The following WDR27 variants were observed in gnomAD, a reference collection of about 807,000 sequenced individuals.
WDR27 encodes WD repeat domain 27.
In WDR27, 100 loss-of-function variants were observed where a neutral mutation model predicts 114.4. That is an observed-to-expected ratio of 0.87 (90% CI 0.74 to 1.03). The LOEUF (loss-of-function observed/expected upper bound fraction) is 1.03, where lower values mean the gene tolerates loss of function less well. Among genes scored for constraint, WDR27 ranks in the 50% least tolerant of loss-of-function variants. WDR27 has a pLI of 0.00. For missense variants in WDR27, 1,129 were observed against 1,092.9 expected, an observed-to-expected ratio of 1.03 and a Z score of -0.47; for synonymous variants, 449 against 423.1, an observed-to-expected ratio of 1.06 and a Z score of -0.75.
chr6:169,440,687 C>G, the WDR27 span, among the ~76,000 whole-genome samples: 1 of 152,054 alleles, frequency 6.6e-6, no homozygotes, highest in Non-Finnish European at 1.5e-5. Context: ...TAGAATCATA[C>G]CCGATATGAA....
chr6:169,604,396 G>A (rs554774437), intron 22 of WDR27, among the ~76,000 whole-genome samples: 11 of 152,200 alleles, frequency 7.2e-5, no homozygotes, highest in Non-Finnish European at 1.3e-4. Context: ...TCCCAAGCTT[G>A]AAGCAGGAAG....
chr6:169,471,488 A>T (rs942431706), intron 25 of WDR27, among the ~76,000 whole-genome samples: 3 of 152,178 alleles, frequency 2.0e-5, no homozygotes, highest in Admixed American at 6.5e-5. Context: ...ACCATCAAGA[A>T]AAAGGAAAAG....
intron 13 of WDR27, among the ~76,000 whole-genome samples, chr6:169,654,799 C>G (rs537372266): frequency 6.6e-5 from 10 of 151,908 alleles, no homozygotes; most frequent in Admixed American, 6.6e-4. Context: ...GAGACGGAGG[C>G]GCGCTCAGGA....
intron 25 of WDR27, among the ~76,000 whole-genome samples, chr6:169,480,272 C>T (rs906011789): frequency 1.3e-5 from 2 of 152,210 alleles, no homozygotes; most frequent in Non-Finnish European, 1.5e-5. Flanking sequence ...GCCGCCTCCC[C>T]GCGGGGCAGG....
At chr6:169,510,456 A>T (rs1792665760) in intron 25 of WDR27, among the ~76,000 whole-genome samples, 1 of 152,078 alleles carries the variant, frequency 6.6e-6, no homozygotes, top group Non-Finnish European at 1.5e-5. Flanking sequence ...CAGCCATAAA[A>T]AATGATGAGT....
the WDR27 span, among the ~76,000 whole-genome samples, chr6:169,437,970 G>A: frequency 6.6e-6 from 1 of 152,074 alleles, no homozygotes; most frequent in South Asian, 2.1e-4. Context: ...TATACTGTGT[G>A]ATGATGAGGT....
the WDR27 span, among the ~76,000 whole-genome samples, chr6:169,429,125 C>T: frequency 6.6e-6 from 1 of 152,264 alleles, no homozygotes; most frequent in East Asian, 1.9e-4. Context: ...TGTTTTCCAG[C>T]CCCAGGCTCC....
intron 22 of WDR27, among the ~76,000 whole-genome samples, chr6:169,607,591 T>C (rs776167888): frequency 6.6e-6 from 1 of 151,952 alleles, no homozygotes; most frequent in Non-Finnish European, 1.5e-5. Flanking sequence ...CACATGGACA[T>C]AGAGTATGAA....
chr6:169,651,237 G>T (rs1009201482), intron 14 of WDR27, among the ~76,000 whole-genome samples: 1 of 149,298 alleles, frequency 6.7e-6, no homozygotes, highest in Non-Finnish European at 1.5e-5. Flanking sequence ...GAAGACGGGA[G>T]CTTGGTAGAG....
chr6:169,503,627 A>G (rs1206399557), intron 25 of WDR27, among the ~76,000 whole-genome samples: 4 of 152,192 alleles, frequency 2.6e-5, no homozygotes, highest in Admixed American at 2.6e-4. Context: ...ATAAAAACTT[A>G]AATGTGTTAG....
chr6:169,453,019 A>T (rs1369383647), downstream of WDR27, among the ~76,000 whole-genome samples: 1 of 152,210 alleles, frequency 6.6e-6, no homozygotes, highest in Non-Finnish European at 1.5e-5. Flanking sequence ...AAGGCTGGGC[A>T]CTGGCTTCAG....
intron 25 of WDR27, among the ~76,000 whole-genome samples, chr6:169,511,488 TC>T (rs374544916): frequency 0.014 from 2,073 of 151,826 alleles, 27 homozygotes; most frequent in Middle Eastern, 0.041. Context: ...AGTGTTGCCT[TC>T]CCCCCAAAAT....
At chr6:169,671,206 C>T (rs79400300) in intron 3 of WDR27, 2,407 of 155,242 alleles carry the variant, frequency 0.016, 33 homozygotes, top group Middle Eastern at 0.081. Flanking sequence ...CAAATCCACA[C>T]AGGTGAAAGA....
At chr6:169,643,075 A>T (rs1475967035) in intron 17 of WDR27, among the ~76,000 whole-genome samples, 1 of 152,232 alleles carries the variant, frequency 6.6e-6, no homozygotes, top group Non-Finnish European at 1.5e-5. Context: ...ACGGATGCTC[A>T]ACCTGTATAA....
At chr6:169,520,273 G>A (rs1035870560) in intron 25 of WDR27, among the ~76,000 whole-genome samples, 2 of 152,160 alleles carry the variant, frequency 1.3e-5, no homozygotes, top group Admixed American at 6.5e-5. Flanking sequence ...TTCAGGATAA[G>A]TGGTACTCTG....
intron 25 of WDR27, among the ~76,000 whole-genome samples, chr6:169,542,412 T>A (rs544744596): frequency 6.0e-4 from 92 of 152,170 alleles, no homozygotes; most frequent in African/African-American, 1.9e-3. Flanking sequence ...TATAAGAAAA[T>A]ATCAAAAAAG....
At chr6:169,632,578 C>T (rs2473445) in intron 21 of WDR27, among the ~76,000 whole-genome samples, 63,293 of 147,228 alleles carry the variant, frequency 0.43, 16,663 homozygotes, top group Non-Finnish European at 0.59. Flanking sequence ...ACAGCCTCCA[C>T]CTTCAAAAAA....
chr6:169,443,404 T>C, the WDR27 span, among the ~76,000 whole-genome samples: 1 of 143,684 alleles, frequency 7.0e-6, no homozygotes, highest in Non-Finnish European at 1.5e-5. Flanking sequence ...TTCTAATCTA[T>C]TTTAAAATAC....
intron 25 of WDR27, among the ~76,000 whole-genome samples, chr6:169,489,083 C>T (rs558983333): frequency 6.6e-6 from 1 of 151,720 alleles, no homozygotes; most frequent in Admixed American, 6.6e-5. Flanking sequence ...TAGTTTGGTG[C>T]TTTTACTTCC....
Sources: allele counts gnomAD v4.1 joint callset (sites outside exome capture counted in the v4.1 genomes callset), GRCh38; gene constraint gnomAD v4.1.1; transcripts MANE v1.5; gene names NCBI Gene and HGNC (gene_info 2026-07-23, HGNC 2026-07-21).